PHACTR2: variants seen among roughly 807,000 people sequenced by gnomAD.
PHACTR2 encodes the protein chromosome 6 open reading frame 56.
In PHACTR2, 30 loss-of-function variants were observed where a neutral mutation model predicts 76.0. The observed-to-expected ratio is 0.39, with a 90% CI of 0.30 to 0.54. The LOEUF is 0.54. PHACTR2 is among the 20% of genes least tolerant of loss of function. The pLI, the probability that PHACTR2 is intolerant of heterozygous loss-of-function variation, is 0.61. For synonymous variants in PHACTR2, 292 were observed against 292.5 expected, an observed-to-expected ratio of 1.00 and a Z score of 0.02; for missense variants, 696 against 781.1, an observed-to-expected ratio of 0.89 and a Z score of 1.30.
In PHACTR2 at chr6:143,619,874, G is replaced by C. The variant is rs1339058558; in HGVS notation, c.13+11552G>C. 6.6e-6 allele frequency among the ~76,000 whole-genome samples: 1 copy of C among 152,148 alleles called. No individual in the cohort carries two copies. Among genetic ancestry groups the C allele is most frequent in the Non-Finnish European group, 1.5e-5 (1 of 68,022 alleles). Reference sequence around the variant, plus strand: ...TGGTATAAAGAGTGAAAATATCTTAGGTCCCCTGTGTGAGATTCTATAGTC... The same window carrying C: ...TGGTATAAAGAGTGAAAATATCTTACGTCCCCTGTGTGAGATTCTATAGTC... On this transcript the variant is annotated intron_variant, in intron 1 of 11. Coordinates refer to the PHACTR2 transcript ENST00000305766. The surrounding 1 kb of genome is among the most constrained non-coding windows in gnomAD (Gnocchi z 4.5).
At chr6:143,694,125 AGAAG>A (rs143997167) in intron 1 of PHACTR2, among the ~76,000 whole-genome samples, 30,391 of 141,704 alleles carry the variant, frequency 0.21, 3,420 homozygotes, top group East Asian at 0.36. Context: ...AAGGAAGGAA[AGAAG>A]GAAGGAAGGA....
intron 1 of PHACTR2, among the ~76,000 whole-genome samples, chr6:143,650,801 T>C (rs1156968713): frequency 6.6e-6 from 1 of 151,750 alleles, no homozygotes; most frequent in East Asian, 1.9e-4. Context: ...AACACCAAAA[T>C]CAATTGCAAC....
At chr6:143,567,109 G>C (rs910956435) in intron 1 of PHACTR2, among the ~76,000 whole-genome samples, 2 of 152,102 alleles carry the variant, frequency 1.3e-5, no homozygotes, top group African/African-American at 4.8e-5. Context: ...CAGAGCAGTG[G>C]CCTCTCTTGT....
In PHACTR2 at chr6:143,823,810, G is replaced by T; in HGVS notation, c.*121G>T. The T allele has an allele frequency of 1.2e-6, 1 of 863,578 alleles. No homozygotes were observed. 53.5% of individuals were successfully genotyped at this position (863,578 alleles called of 1,614,324 possible). A position where few individuals can be genotyped will look rare whatever the true frequency, so the allele number is the denominator to read the frequency against. On this transcript the variant is annotated 3_prime_UTR_variant, in exon 13 of 13. Transcript: ENST00000440869. The surrounding 1 kb of genome is among the most constrained non-coding windows in gnomAD (Gnocchi z 5.7). ...TGTTTCCGTTTAACTTGTGGTGAAG[G>T]AAGTGTGTGACTCAGCTTGGCTGGG...
chr6:143,563,557 A>AAGAAAAC (rs1775313095), intron 1 of PHACTR2, among the ~76,000 whole-genome samples: 1 of 100,344 alleles, frequency 1.0e-5, no homozygotes, highest in Non-Finnish European at 2.0e-5. Context: ...GTCTCAAAAA[A>AAGAAAAC]AAAAAAAAAA....
At chr6:143,713,764 G>A (rs1364805269) in intron 2 of PHACTR2, among the ~76,000 whole-genome samples, 1 of 152,150 alleles carries the variant, frequency 6.6e-6, no homozygotes, top group African/African-American at 2.4e-5. Context: ...TGGGCATCTT[G>A]TTCTCCTCTG....
At position 143,795,696 on chromosome 6, in the gene PHACTR2, A is replaced by G. The variant is rs1302402180; in HGVS notation, c.1845+6786A>G. Reference sequence around the variant, plus strand: ...TTAGAACTGGGCACTTCTAGGATGGATTGATCCTTGACTTGGCCACTTAGT... The same window carrying G: ...TTAGAACTGGGCACTTCTAGGATGGGTTGATCCTTGACTTGGCCACTTAGT... On this transcript the variant is annotated intron_variant, in intron 11 of 12. Transcript: ENST00000440869. This position sits in a 1 kb window ranked among gnomAD's most constrained non-coding sequence, Gnocchi z 4.8. 1.3e-5 allele frequency among the ~76,000 whole-genome samples: 2 copies of G among 152,164 alleles called. No individual in the cohort carries two copies. Among genetic ancestry groups the G allele is most frequent in the Non-Finnish European group, 2.9e-5 (2 of 68,018 alleles).
At chr6:143,572,750 A>G (rs9376765) in intron 1 of PHACTR2, among the ~76,000 whole-genome samples, 93,229 of 151,942 alleles carry the variant, frequency 0.61, 28,931 homozygotes, top group Middle Eastern at 0.72. Context: ...ACACGGTTTC[A>G]CCATGTTGGC....
In PHACTR2 at chr6:143,648,193, C is replaced by G. The variant is rs571462430; in HGVS notation, c.13+39871C>G. On this transcript the variant is annotated intron_variant, in intron 1 of 11. Transcript: ENST00000305766. This position sits in a 1 kb window ranked among gnomAD's most constrained non-coding sequence, Gnocchi z 6.7. The stretch of plus-strand genomic sequence containing the variant: ...ATACAGACAGCATCCTGTTAAGGAC[C>G]GCAGTGTTTTCTGCAACTTCTTCCA... 6.6e-6 allele frequency among the ~76,000 whole-genome samples: 1 copy of G among 152,068 alleles called. No homozygotes were observed. Among genetic ancestry groups the G allele is most frequent in the Non-Finnish European group, 1.5e-5 (1 of 68,018 alleles).
intron 1 of PHACTR2, among the ~76,000 whole-genome samples, chr6:143,552,658 C>T (rs1775108938): frequency 6.6e-6 from 1 of 152,044 alleles, no homozygotes; most frequent in Non-Finnish European, 1.5e-5. Flanking sequence ...AATCCCAGCA[C>T]TTTGGAAGGC....
rs999335950 is a variant in PHACTR2 at position 143,777,707 on chromosome 6, C to T, written c.1645+324C>T. ...TAGAAAAAGAATGCTCTAGTCTTCT[C>T]GCAAATAAATGTCAAAGAAAAGGCC... On this transcript the variant is annotated intron_variant, in intron 9 of 12. Coordinates refer to ENST00000440869, the MANE Select transcript of PHACTR2 (RefSeq NM_001100164.2). The surrounding 1 kb of genome is among the most constrained non-coding windows in gnomAD (Gnocchi z 4.6). Among the ~76,000 whole-genome samples the T allele has an allele frequency of 2.6e-5, 4 of 152,020 alleles. No individual in the cohort carries two copies. Among genetic ancestry groups the T allele is most frequent in the Non-Finnish European group, 4.4e-5 (3 of 68,000 alleles).
rs1200419058 is a variant in PHACTR2, at chr6:143,722,873, T to C, written c.214+10690T>C. Reference sequence around the variant, plus strand: ...CATGCAACATTTGTCTTTCTGTACCTGGCTTATTTTACTTAACATAATGTC... The same window carrying C: ...CATGCAACATTTGTCTTTCTGTACCCGGCTTATTTTACTTAACATAATGTC... On this transcript the variant is annotated intron_variant, in intron 2 of 12. Transcript: ENST00000440869. The surrounding 1 kb of genome is among the most constrained non-coding windows in gnomAD (Gnocchi z 4.1). Among the ~76,000 whole-genome samples the C allele has an allele frequency of 1.3e-5, 2 of 152,360 alleles. No homozygotes were observed. Among genetic ancestry groups the C allele is most frequent in the Non-Finnish European group, 2.9e-5 (2 of 68,032 alleles).
chr6:143,614,050 CA>C (rs1313696071), intron 1 of PHACTR2, among the ~76,000 whole-genome samples: 1 of 152,228 alleles, frequency 6.6e-6, no homozygotes, highest in Non-Finnish European at 1.5e-5. Context: ...ATGAAACCCC[CA>C]TCTCTACTAA....
chr6:143,763,962 T>A (rs1026720359), intron 5 of PHACTR2, among the ~76,000 whole-genome samples: 8 of 152,208 alleles, frequency 5.3e-5, no homozygotes, highest in African/African-American at 1.4e-4. Flanking sequence ...AATTTATAGG[T>A]CATGAAAGAA....
At chr6:143,645,715 A>T (rs1776648313) in intron 1 of PHACTR2, among the ~76,000 whole-genome samples, 1 of 152,220 alleles carries the variant, frequency 6.6e-6, no homozygotes. Context: ...TCTTTAAAGC[A>T]ATGGAGAATA....
Position 143,772,278 on chromosome 6 carries a change from T to G in PHACTR2, c.1253T>G (p.Leu418Arg). 1.2e-6 allele frequency: 2 copies of G among 1,613,694 alleles called. No homozygotes were observed. The highest frequency in any genetic ancestry group is 1.7e-6 in the Non-Finnish European group (2 of 1,179,678). Residue 418 changes from leucine (L) to arginine (R), a missense_variant, in exon 7 of 13, where the codon CTG becomes CGG. Physicochemically the swap from Leu to Arg is moderately radical, Grantham distance 102 (BLOSUM62 -2). Around this residue, in one of 2 missense-constraint regions of PHACTR2, gnomAD observed 236 missense variants for 330.2 expected, o/e 0.71. Transcript: ENST00000440869. This position sits in a 1 kb window ranked among gnomAD's most constrained non-coding sequence, Gnocchi z 5.4. ...AACAGTTTCACAACCAAAGAGGAGC[T>G]GGGGAAGACAGTGCCTCAGCTACTG... The part of the protein sequence containing the change: ...NAKCFTTKEE[L>R]GKTVPQLLTP...
At chr6:143,575,574 A>C (rs1775496350) in intron 1 of PHACTR2, among the ~76,000 whole-genome samples, 2 of 152,228 alleles carry the variant, frequency 1.3e-5, no homozygotes, top group South Asian at 2.1e-4. Flanking sequence ...AGCCAATGTA[A>C]TACTGGTAAG....
At position 143,549,374 on chromosome 6, in the gene PHACTR2, T is replaced by G. The variant is rs1449016481; in HGVS notation, c.217+12167T>G. Among the ~76,000 whole-genome samples, 1 of 152,100 alleles carries G rather than the reference T, an allele frequency of 6.6e-6. No homozygotes were observed. On this transcript the variant is annotated intron_variant, in intron 1 of 11. Coordinates refer to the PHACTR2 transcript ENST00000367584. The surrounding 1 kb of genome is among the most constrained non-coding windows in gnomAD (Gnocchi z 4.2). Reference sequence around the variant, plus strand: ...GGGTGCGGGATGGCATTCCTTTGGCTTAATCTGATGAAACATTTCTCAGCA... The same window carrying G: ...GGGTGCGGGATGGCATTCCTTTGGCGTAATCTGATGAAACATTTCTCAGCA...
At chr6:143,758,014 A>G (rs1352122327) in intron 4 of PHACTR2, among the ~76,000 whole-genome samples, 2 of 152,234 alleles carry the variant, frequency 1.3e-5, no homozygotes, top group African/African-American at 4.8e-5. Flanking sequence ...CCAGAATGAC[A>G]AATGTTCACA....
Sources: gnomAD v4.1 joint callset for allele counts (sites outside exome capture counted in the v4.1 genomes callset) on GRCh38, gnomAD v4.1.1 for gene constraint, gnomAD v4.1.1 regional missense constraint, Gnocchi (gnomAD v3.1) non-coding constraint, MANE v1.5 for transcripts, NCBI Gene and HGNC (gene_info 2026-07-23, HGNC 2026-07-21) for gene names.